CTNNA3: variants seen among roughly 807,000 people sequenced by gnomAD.
CTNNA3 encodes catenin alpha 3, also known as catenin alpha-3.
Under a neutral mutation model 95.7 loss-of-function variants are expected in CTNNA3, and 76 were observed. That is an observed-to-expected ratio of 0.79 (90% confidence interval 0.66 to 0.96). The LOEUF (loss-of-function observed/expected upper bound fraction) is 0.96. Among genes scored for constraint, CTNNA3 ranks in the 40% least tolerant of loss-of-function variants. The probability of loss-of-function intolerance (pLI) is 0.00; values close to 1 mark genes in which losing one functional copy is unlikely to be tolerated. For synonymous variants in CTNNA3, 431 were observed against 374.4 expected, an observed-to-expected ratio of 1.15 and a Z score of -1.74; for missense variants, 1,191 against 1,089.8, an observed-to-expected ratio of 1.09 and a Z score of -1.31.
chr10:67,519,187 G>A (rs1006182019), intron 5 of CTNNA3, among the ~76,000 whole-genome samples: 1 of 152,128 alleles, frequency 6.6e-6, no homozygotes, highest in Non-Finnish European at 1.5e-5. Context: ...ACAGAAGTGA[G>A]AGAATGGAGC....
chr10:67,508,138 C>G (rs528405580), intron 5 of CTNNA3, among the ~76,000 whole-genome samples: 1 of 152,038 alleles, frequency 6.6e-6, no homozygotes, highest in African/African-American at 2.4e-5. Context: ...CTCATACTCC[C>G]GAATAGCTGG....
At chr10:67,331,028 T>C (rs1841773001) in intron 5 of CTNNA3, among the ~76,000 whole-genome samples, 1 of 152,090 alleles carries the variant, frequency 6.6e-6, no homozygotes. Context: ...AAAAATCAGG[T>C]TTAGGGGGAA....
intron 10 of CTNNA3, among the ~76,000 whole-genome samples, chr10:66,589,861 G>A (rs1055405055): frequency 2.6e-5 from 4 of 152,032 alleles, no homozygotes; most frequent in Non-Finnish European, 5.9e-5. Flanking sequence ...AAAGCCAGTG[G>A]GCTCAGTGTA....
In CTNNA3 at chr10:65,920,254, ACTT is replaced by A; in HGVS notation, c.*73_*75del. The A allele has an allele frequency of 1.6e-6, 2 of 1,268,828 alleles. No homozygotes were observed. The highest frequency in any genetic ancestry group is 2.2e-6 in the Non-Finnish European group (2 of 905,668). The allele number at this position is 1,268,828 out of a possible 1,614,324, so 78.6% of individuals were successfully genotyped here. ...CACCAAAACTTAGTGAAATTACAGA[ACTT>A]CTTAAGTGTAAAATAAAGCAGTGTG... On this transcript the variant is annotated 3_prime_UTR_variant, in exon 18 of 18. Transcript: ENST00000433211.
Position 66,052,197 on chromosome 10 carries a change from T to C in CTNNA3, c.2159+17111A>G, listed in dbSNP as rs561687373. 2.6e-5 allele frequency among the ~76,000 whole-genome samples: 4 copies of C among 152,304 alleles called. No homozygotes were observed. The East Asian group carries it at 7.7e-4, about 29-fold the overall frequency. On this transcript the variant is annotated intron_variant, in intron 15 of 17. Transcript: ENST00000433211. ...CATTCTTACATTTTAAGTGCCATGA[T>C]AATTACAATGAGAATGATAACTAAT... is the stretch of plus-strand genomic sequence containing the variant.
intron 1 of CTNNA3, among the ~76,000 whole-genome samples, chr10:67,719,336 T>C (rs1564839687): frequency 1.3e-5 from 2 of 152,062 alleles, no homozygotes; most frequent in African/African-American, 4.8e-5. Context: ...TCTTGTCTTC[T>C]GCTAGCTTTT....
intron 7 of CTNNA3, among the ~76,000 whole-genome samples, chr10:67,056,040 T>C (rs1855407340): frequency 6.6e-6 from 1 of 152,094 alleles, no homozygotes; most frequent in African/African-American, 2.4e-5. Flanking sequence ...TATTATATTG[T>C]TGAGGTGGAG....
chr10:66,556,545 TTAA>T (rs1842395852), intron 10 of CTNNA3, among the ~76,000 whole-genome samples: 1 of 151,958 alleles, frequency 6.6e-6, no homozygotes, highest in East Asian at 1.9e-4. Flanking sequence ...ATATTTAGCC[TTAA>T]TAAAGGAGCT....
chr10:67,106,546 A>G (rs1164868750), intron 7 of CTNNA3, among the ~76,000 whole-genome samples: 1 of 152,224 alleles, frequency 6.6e-6, no homozygotes, highest in East Asian at 1.9e-4. Context: ...TCATTCAGTC[A>G]ACATTAATAT....
At position 67,237,141 on chromosome 10, in the gene CTNNA3, T is replaced by C. The variant is rs1454703988; in HGVS notation, c.580-17271A>G. 9.9e-3 allele frequency among the ~76,000 whole-genome samples: 614 copies of C among 61,960 alleles called. 50 individuals are homozygous for C. In the East Asian group the frequency reaches 0.12, roughly 12 times the overall value. The allele number at this position is 61,960 out of a possible 152,430, so 40.6% of individuals were successfully genotyped here. A position where few individuals can be genotyped will look rare whatever the true frequency, so the allele number is the denominator to read the frequency against. ...TATGGTGTATGTATATATATATATA[T>C]ATATATATATATATATATATATATA... On this transcript the variant is annotated intron_variant, in intron 5 of 17. Transcript: ENST00000433211.
intron 11 of CTNNA3, among the ~76,000 whole-genome samples, chr10:66,517,429 G>T (rs1422513317): frequency 6.6e-6 from 1 of 151,996 alleles, no homozygotes; most frequent in Non-Finnish European, 1.5e-5. Context: ...AAATAGGTTT[G>T]CAGTAAAGAA....
intron 1 of CTNNA3, among the ~76,000 whole-genome samples, chr10:67,725,149 C>T (rs945054719): frequency 6.6e-6 from 1 of 151,658 alleles, no homozygotes; most frequent in South Asian, 2.1e-4. Flanking sequence ...CATCCATCCA[C>T]TTATATATAG....
At chr10:66,319,391 A>T (rs1340730152) in intron 12 of CTNNA3, among the ~76,000 whole-genome samples, 1 of 152,090 alleles carries the variant, frequency 6.6e-6, no homozygotes, top group East Asian at 1.9e-4. Context: ...CACCAAGCCT[A>T]CTTTTCAGCT....
At chr10:67,566,041 G>GTATACATA (rs1388066358) in intron 3 of CTNNA3, among the ~76,000 whole-genome samples, 1 of 29,434 alleles carries the variant, frequency 3.4e-5, no homozygotes, top group African/African-American at 1.4e-4. Flanking sequence ...ATATGTGTGT[G>GTATACATA]TGTATATATA....
At chr10:66,090,579 C>T (rs2081176468) in intron 14 of CTNNA3, among the ~76,000 whole-genome samples, 1 of 151,998 alleles carries the variant, frequency 6.6e-6, no homozygotes, top group African/African-American at 2.4e-5. Context: ...TAGTAAGTGG[C>T]AAAGTCTGAT....
At chr10:67,147,645 T>C (rs983206005) in intron 7 of CTNNA3, among the ~76,000 whole-genome samples, 2 of 152,214 alleles carry the variant, frequency 1.3e-5, no homozygotes, top group African/African-American at 4.8e-5. Context: ...TCAGTACACG[T>C]GTAAACTTTC....
intron 17 of CTNNA3, among the ~76,000 whole-genome samples, chr10:65,952,661 G>A (rs1396556741): frequency 6.6e-6 from 1 of 152,090 alleles, no homozygotes; most frequent in Non-Finnish European, 1.5e-5. Context: ...TTAACCTACT[G>A]TCATTCTGTA....
At chr10:66,344,976 A>G (rs1207315638) in intron 12 of CTNNA3, among the ~76,000 whole-genome samples, 2 of 152,148 alleles carry the variant, frequency 1.3e-5, no homozygotes, top group Admixed American at 6.6e-5. Flanking sequence ...TTAATTTAAT[A>G]ATTAAGGAAA....
chr10:66,541,616 T>G (rs1269329727), intron 10 of CTNNA3, among the ~76,000 whole-genome samples: 1 of 152,176 alleles, frequency 6.6e-6, no homozygotes, highest in African/African-American at 2.4e-5. Flanking sequence ...TAATGCATGT[T>G]TCTTTAGATA....
Sources: allele counts gnomAD v4.1 joint callset (sites outside exome capture counted in the v4.1 genomes callset), GRCh38; gene constraint gnomAD v4.1.1; transcripts MANE v1.5; gene names NCBI Gene and HGNC (gene_info 2026-07-23, HGNC 2026-07-21).